Variants in UVRAG observed in about 807,000 individuals in gnomAD.
The protein encoded by UVRAG is UV radiation resistance-associated gene protein.
A neutral mutation model predicts 78.0 loss-of-function variants in UVRAG; 19 were observed. The observed-to-expected ratio is 0.24, with a 90% confidence interval of 0.17 to 0.36. UVRAG has a LOEUF of 0.36. Among genes scored for constraint, UVRAG ranks in the 10% least tolerant of loss-of-function variants. The probability of loss-of-function intolerance (pLI) is 1.00; values close to 1 mark genes in which losing one functional copy is unlikely to be tolerated. For synonymous variants in UVRAG, 323 were observed against 324.6 expected (o/e 1.00, Z 0.05); for missense variants, 740 against 853.8 (o/e 0.87, Z 1.66).
chr11:76,078,164 G>A (rs893953612), intron 13 of UVRAG, among the ~76,000 whole-genome samples: 1 of 152,190 alleles, frequency 6.6e-6, no homozygotes, highest in Non-Finnish European at 1.5e-5. Flanking sequence ...TGGCATCAAA[G>A]TGACCGGCAT....
rs11390273 is a variant in UVRAG, at chr11:76,053,968, C to CAAA, written c.1227-11726_1227-11724dup. Among the ~76,000 whole-genome samples the CAAA allele has an allele frequency of 1.1e-3, 134 of 123,602 alleles. 2 individuals carry two copies. The highest frequency in any genetic ancestry group is 4.1e-3 in the African/African-American group (130 of 32,012). 81.1% of individuals were successfully genotyped at this position (123,602 alleles called of 152,430 possible). A position where few individuals can be genotyped will look rare whatever the true frequency, so the allele number is the denominator to read the frequency against. On this transcript the variant is annotated intron_variant, in intron 12 of 14. Coordinates refer to ENST00000356136, the MANE Select transcript of UVRAG (RefSeq NM_003369.4). Reference sequence around the variant, plus strand: ...CTGGTGACAGAGCAAGACTCCATCTCAAAAAAAAAAAAAAAAAAGTTATTA... The same window carrying CAAA: ...CTGGTGACAGAGCAAGACTCCATCTCAAAAAAAAAAAAAAAAAAAAAGTTATTA...
intron 1 of UVRAG, among the ~76,000 whole-genome samples, chr11:75,832,787 G>A (rs1945687912): frequency 6.6e-6 from 1 of 152,176 alleles, no homozygotes; most frequent in Non-Finnish European, 1.5e-5. Context: ...CCAGCCACCA[G>A]TTATCTCATT....
At chr11:76,038,161 A>C (rs1212272568) in intron 12 of UVRAG, among the ~76,000 whole-genome samples, 1 of 152,350 alleles carries the variant, frequency 6.6e-6, no homozygotes, top group East Asian at 1.9e-4. Context: ...GCTTTCATAC[A>C]GTAAGAAATA....
At chr11:75,853,797 G>C (rs1946218067) in intron 2 of UVRAG, among the ~76,000 whole-genome samples, 1 of 151,840 alleles carries the variant, frequency 6.6e-6, no homozygotes, top group African/African-American at 2.4e-5. Context: ...TTTTGAGGCA[G>C]AGTCTCGCTC....
intron 7 of UVRAG, among the ~76,000 whole-genome samples, chr11:75,966,587 A>G (rs1270539714): frequency 6.6e-6 from 1 of 152,186 alleles, no homozygotes; most frequent in Non-Finnish European, 1.5e-5. Flanking sequence ...CATCTGGATC[A>G]TCTTGGGGTT....
At chr11:75,872,638 C>T (rs776109496) in intron 3 of UVRAG, among the ~76,000 whole-genome samples, 19 of 152,130 alleles carry the variant, frequency 1.2e-4, no homozygotes, top group Non-Finnish European at 2.8e-4. Context: ...CTGCCTGCCT[C>T]AGCCTCCCAA....
intron 2 of UVRAG, among the ~76,000 whole-genome samples, chr11:75,858,104 C>T (rs1946334590): frequency 6.6e-6 from 1 of 151,516 alleles, no homozygotes. Context: ...CATACTAGGC[C>T]TTCAAATATT....
chr11:75,845,441 A>G (rs111997556), intron 1 of UVRAG, among the ~76,000 whole-genome samples: 2,329 of 152,304 alleles, frequency 0.015, 69 homozygotes, highest in African/African-American at 0.053. Context: ...ATGCCCATCA[A>G]TGGTGGACTG....
At chr11:75,995,768 A>G (rs568602988) in intron 8 of UVRAG, among the ~76,000 whole-genome samples, 3 of 152,242 alleles carry the variant, frequency 2.0e-5, no homozygotes, top group East Asian at 1.9e-4. Flanking sequence ...GTTACTTCTC[A>G]GTTTTTAAAC....
rs965107801 is a variant in UVRAG, at chr11:75,815,234, GCGGCGGCAA to G, written c.-165_-157del. On this transcript the variant is annotated 5_prime_UTR_variant, in exon 1 of 15. Transcript: ENST00000356136. ...CGGTAATATGGCTCTTCCTTAGCCA[GCGGCGGCAA>G]CGGCGGCAGCGGCGGCAGCGGCGGC... The G allele has an allele frequency of 3.8e-5, 17 of 446,108 alleles. No individual in the cohort carries two copies. Among genetic ancestry groups the G allele is most frequent in the South Asian group, 4.8e-5 (1 of 20,816 alleles). 27.6% of individuals were successfully genotyped at this position (446,108 alleles called of 1,614,324 possible).
chr11:75,976,885 C>T (rs1949255802), intron 7 of UVRAG, among the ~76,000 whole-genome samples: 1 of 152,008 alleles, frequency 6.6e-6, no homozygotes, highest in Non-Finnish European at 1.5e-5. Flanking sequence ...CTGCTCTCAT[C>T]TTAGTTATTT....
At chr11:75,988,039 A>G (rs1215564833) in intron 8 of UVRAG, among the ~76,000 whole-genome samples, 1 of 152,196 alleles carries the variant, frequency 6.6e-6, no homozygotes, top group East Asian at 1.9e-4. Context: ...GCCCGGCCGC[A>G]TTAACTGTTC....
At chr11:75,970,983 G>A (rs931429570) in intron 7 of UVRAG, among the ~76,000 whole-genome samples, 1 of 152,020 alleles carries the variant, frequency 6.6e-6, no homozygotes, top group African/African-American at 2.4e-5. Flanking sequence ...CAGAATAGTT[G>A]CATTGCCCTA....
rs548078009 is a variant in UVRAG, at chr11:76,029,670, G to A, written c.1226+12690G>A. Among the ~76,000 whole-genome samples the A allele has an allele frequency of 9.2e-5, 14 of 152,264 alleles. 1 individual carries two copies. The highest frequency in any genetic ancestry group is 3.4e-3 in the Middle Eastern group (1 of 294). ...AGCAAAGAAAGTGGTTCCTTGAGAT[G>A]GAACCTAATTCTAGTGAAGATGATG... On this transcript the variant is annotated intron_variant, in intron 12 of 14. Transcript: ENST00000356136.
chr11:76,065,697 T>G lies in UVRAG; in HGVS notation c.1227-13T>G. On this transcript the variant is annotated splice_polypyrimidine_tract_variant and intron_variant, in intron 12 of 14. Transcript: ENST00000356136. Reference sequence around the variant, plus strand: ...GCTTTTGAAAATATCTGATCCTTTTTTACCTTTCTTAGGTTTCCACTGTAT... The same window carrying G: ...GCTTTTGAAAATATCTGATCCTTTTGTACCTTTCTTAGGTTTCCACTGTAT... 2 of 1,612,832 alleles carry G rather than the reference T, an allele frequency of 1.2e-6. No individual in the cohort carries two copies. The highest frequency in any genetic ancestry group is 1.7e-6 in the Non-Finnish European group (2 of 1,179,302).
intron 13 of UVRAG, among the ~76,000 whole-genome samples, chr11:76,073,568 T>C (rs1000670573): frequency 5.3e-5 from 8 of 152,150 alleles, no homozygotes; most frequent in African/African-American, 1.7e-4. Flanking sequence ...TTTTAAATAG[T>C]TTATAATGGA....
chr11:75,946,538 T>G lies in UVRAG; in HGVS notation c.594-14906T>G, dbSNP rs12293955. On this transcript the variant is annotated intron_variant, in intron 6 of 14. Coordinates refer to ENST00000356136, the MANE Select transcript of UVRAG (RefSeq NM_003369.4). ...AATTTGGGAACAGCTGACTTGGTTC[T>G]CTGCTTATGGTCTCATGAGGCTGAA... Among the ~76,000 whole-genome samples, 827 of 152,368 alleles carry G rather than the reference T, an allele frequency of 5.4e-3. 12 individuals are homozygous for G. Among genetic ancestry groups the G allele is most frequent in the African/African-American group, 0.019 (785 of 41,588 alleles).
chr11:75,834,560 A>G (rs1309556097), intron 1 of UVRAG, among the ~76,000 whole-genome samples: 1 of 152,204 alleles, frequency 6.6e-6, no homozygotes, highest in Non-Finnish European at 1.5e-5. Context: ...CACACCTGCA[A>G]TCCCAGCACT....
intron 5 of UVRAG, among the ~76,000 whole-genome samples, chr11:75,905,370 C>T (rs562192814): frequency 2.0e-5 from 3 of 152,116 alleles, no homozygotes; most frequent in East Asian, 1.9e-4. Flanking sequence ...TGTTGTGTAC[C>T]ACCATCTCTG....
Sources: allele counts gnomAD v4.1 joint callset (sites outside exome capture counted in the v4.1 genomes callset), GRCh38; gene constraint gnomAD v4.1.1; transcripts MANE v1.5; gene names NCBI Gene and HGNC (gene_info 2026-07-23, HGNC 2026-07-21).